Variants in GRIA1 observed in about 807,000 individuals in gnomAD.
GRIA1 encodes the protein glutamate ionotropic receptor AMPA type subunit 1, also known as glutamate receptor 1.
In GRIA1, 31 loss-of-function variants were observed where a neutral mutation model predicts 99.2. The ratio of observed to expected loss-of-function variants is 0.31; its 90% CI spans 0.23 to 0.42. The LOEUF is 0.42. Among genes scored for constraint, GRIA1 ranks in the 10% least tolerant of loss-of-function variants. GRIA1 has a pLI of 1.00. For synonymous variants in GRIA1, 438 were observed against 432.4 expected, an observed-to-expected ratio of 1.01 and a Z score of -0.16; for missense variants, 782 against 1,157.5, an observed-to-expected ratio of 0.68 and a Z score of 4.71.
chr5:153,764,795 C>A (rs1250418152), intron 12 of GRIA1, among the ~76,000 whole-genome samples, 163 bp downstream of exon 12: 2 of 152,126 alleles, frequency 1.3e-5, no homozygotes, highest in Non-Finnish European at 2.9e-5. Context: ...TTCTACCACC[C>A]CCCTGAGAAA....
At chr5:153,709,025 TAGAAG>T (rs1211557679) in intron 11 of GRIA1, among the ~76,000 whole-genome samples, 1 of 152,206 alleles carries the variant, frequency 6.6e-6, no homozygotes, top group African/African-American at 2.4e-5. Flanking sequence ...GAAATATATG[TAGAAG>T]AGAAGAGACA....
At chr5:153,679,160 C>T (rs563966973) in intron 7 of GRIA1, among the ~76,000 whole-genome samples, 5 of 152,114 alleles carry the variant, frequency 3.3e-5, no homozygotes, top group Non-Finnish European at 7.3e-5. Flanking sequence ...CTTTGAGGAT[C>T]TATGGTGTGC....
intron 2 of GRIA1, among the ~76,000 whole-genome samples, chr5:153,595,887 C>A (rs1460685264): frequency 6.6e-6 from 1 of 151,864 alleles, no homozygotes; most frequent in Admixed American, 6.6e-5. Context: ...CTAAATACTT[C>A]TTTGGCTAAC....
intron 13 of GRIA1, among the ~76,000 whole-genome samples, chr5:153,791,583 A>C (rs1765308992): frequency 6.6e-6 from 1 of 152,196 alleles, no homozygotes; most frequent in Non-Finnish European, 1.5e-5. Context: ...TTAGTCACAC[A>C]GAGCTGAGTG....
At chr5:153,544,893 T>C (rs945692296) in intron 2 of GRIA1, among the ~76,000 whole-genome samples, 3 of 152,136 alleles carry the variant, frequency 2.0e-5, no homozygotes, top group African/African-American at 7.2e-5. Context: ...ATGAGGTAAT[T>C]TGTGGAAAGC....
rs375818928 is a variant in GRIA1, at chr5:153,756,680, C to A, written c.1824-7754C>A. 3.9e-5 allele frequency among the ~76,000 whole-genome samples: 6 copies of A among 152,226 alleles called. No individual in the cohort carries two copies. The East Asian group carries it at 9.7e-4, about 25-fold the overall frequency. On this transcript the variant is annotated intron_variant, in intron 11 of 15. Coordinates refer to ENST00000285900, the MANE Select transcript of GRIA1 (RefSeq NM_000827.4). ...CTCTAGGTCCAACCAAGCTGGAGTACCATCCCAACCTCTAAGCCTTCACAA... is the reference window on the plus strand; with the variant it reads ...CTCTAGGTCCAACCAAGCTGGAGTAACATCCCAACCTCTAAGCCTTCACAA...
intron 2 of GRIA1, among the ~76,000 whole-genome samples, chr5:153,593,690 T>G (rs1372264674): frequency 6.6e-6 from 1 of 152,196 alleles, no homozygotes; most frequent in African/African-American, 2.4e-5. Flanking sequence ...TGTGAGATGA[T>G]CTCTCAGTTG....
intron 2 of GRIA1, among the ~76,000 whole-genome samples, chr5:153,626,144 T>C (rs1229315179): frequency 6.6e-6 from 1 of 152,160 alleles, no homozygotes; most frequent in Non-Finnish European, 1.5e-5. Flanking sequence ...AGTTTCCTCG[T>C]TGGGTTATGA....
At chr5:153,538,604 T>C (rs1414900477) in intron 2 of GRIA1, among the ~76,000 whole-genome samples, 1 of 152,150 alleles carries the variant, frequency 6.6e-6, no homozygotes, top group Non-Finnish European at 1.5e-5. Context: ...ATGCTAGGAA[T>C]CCCTCTGGGA....
Position 153,811,273 on chromosome 5 carries a change from C to A in GRIA1, c.*48C>A. ...GGGGAGCAGGCTCGGGCTCCCCAGC[C>A]CCATCCCAAACCCTTCAGTGCCAAA... On this transcript the variant is annotated 3_prime_UTR_variant, in exon 16 of 16. Coordinates refer to ENST00000285900, the MANE Select transcript of GRIA1 (RefSeq NM_000827.4). The A allele has an allele frequency of 6.9e-7, 1 of 1,444,102 alleles. No individual in the cohort carries two copies. The highest frequency in any genetic ancestry group is 9.7e-7 in the Non-Finnish European group (1 of 1,028,464). 89.5% of individuals were successfully genotyped at this position (1,444,102 alleles called of 1,614,324 possible).
chr5:153,598,850 G>T (rs1049978178), intron 2 of GRIA1, among the ~76,000 whole-genome samples: 1 of 151,974 alleles, frequency 6.6e-6, no homozygotes, highest in African/African-American at 2.4e-5. Flanking sequence ...TAAAGCTTCC[G>T]TGGAGTGGGG....
intron 6 of GRIA1, among the ~76,000 whole-genome samples, 172 bp downstream of exon 6, chr5:153,674,833 A>G (rs1756452724): frequency 6.6e-6 from 1 of 152,190 alleles, no homozygotes; most frequent in Non-Finnish European, 1.5e-5. Flanking sequence ...GACAACCCAA[A>G]ATGACATGGT....
chr5:153,627,579 G>C (rs114625147), intron 2 of GRIA1, among the ~76,000 whole-genome samples: 21,456 of 152,076 alleles, frequency 0.14, 1,670 homozygotes, highest in Middle Eastern at 0.2. Context: ...GTAAAAGAAT[G>C]GGGCAAGCGA....
chr5:153,802,559 T>C, intron 15 of GRIA1, 69 bp downstream of exon 15: 1 of 1,524,958 alleles, frequency 6.6e-7, no homozygotes, highest in South Asian at 1.1e-5. Flanking sequence ...TGGGAGTCCC[T>C]TTGCTAGAAA....
At position 153,700,013 on chromosome 5, in the gene GRIA1, G is replaced by T. The variant is rs114004016; in HGVS notation, c.1452+940G>T. 3.0e-3 allele frequency among the ~76,000 whole-genome samples: 457 copies of T among 152,344 alleles called. 4 individuals are homozygous for T. Among genetic ancestry groups the T allele is most frequent in the African/African-American group, 0.01 (426 of 41,594 alleles). On this transcript the variant is annotated intron_variant, in intron 10 of 15. Transcript: ENST00000285900. Reference sequence around the variant, plus strand: ...TAGTATAGAATAAGGAGTCTATATTGTATGGCTCAGCTAAGGGCTAACTAG... The same window carrying T: ...TAGTATAGAATAAGGAGTCTATATTTTATGGCTCAGCTAAGGGCTAACTAG...
chr5:153,616,033 C>T (rs1766465568), intron 2 of GRIA1, among the ~76,000 whole-genome samples: 2 of 152,268 alleles, frequency 1.3e-5, no homozygotes, highest in South Asian at 4.1e-4. Context: ...ATGAAAGCAA[C>T]ATTACCCAGT....
rs1754157073 is a variant in GRIA1 at position 153,493,829 on chromosome 5, T to C, written c.83-99T>C. On this transcript the variant is annotated intron_variant, in intron 1 of 15. Coordinates refer to ENST00000285900, the MANE Select transcript of GRIA1 (RefSeq NM_000827.4). ...CCACTCAAGGCTACAGCTAGTGAGT[T>C]TGGCATGGGGAGAAGAAAAGGACTC... The C allele has an allele frequency of 1.7e-5, 21 of 1,216,792 alleles. No homozygotes were observed. The South Asian group carries it at 2.6e-4, about 15-fold the overall frequency. The allele number at this position is 1,216,792 out of a possible 1,614,324, so 75.4% of individuals were successfully genotyped here.
At chr5:153,760,113 C>T (rs1188377204) in intron 11 of GRIA1, among the ~76,000 whole-genome samples, 1 of 151,982 alleles carries the variant, frequency 6.6e-6, no homozygotes, top group Non-Finnish European at 1.5e-5. Flanking sequence ...AAGTTGAAAG[C>T]TTTTCCCCTA....
chr5:153,770,396 C>G lies in GRIA1; in HGVS notation c.2251C>G (p.Pro751Ala), dbSNP rs1195875925. ...TTCCAAAGGCTATGGCATTGCAACA[C>G]CCAAGGGGTCTGCCCTGAGGTAAGT... ...LDSKGYGIATPKGSALRNPVN... is the reference protein window; with the variant it reads ...LDSKGYGIATAKGSALRNPVN... The change falls in exon 13 of 16, where the codon CCC becomes GCC. Residue 751 changes from proline (P) to alanine (A), a missense_variant. Coordinates refer to ENST00000285900, the MANE Select transcript of GRIA1 (RefSeq NM_000827.4). The G allele has an allele frequency of 6.2e-7, 1 of 1,613,752 alleles. No homozygotes were observed. The highest frequency in any genetic ancestry group is 2.2e-5 in the East Asian group (1 of 44,856).
Sources: gnomAD v4.1 joint callset for allele counts (sites outside exome capture counted in the v4.1 genomes callset) on GRCh38, gnomAD v4.1.1 for gene constraint, MANE v1.5 for transcripts, NCBI Gene and HGNC (gene_info 2026-07-23, HGNC 2026-07-21) for gene names.